CDYL2: variants seen among roughly 807,000 people sequenced by gnomAD.
The protein encoded by CDYL2 is chromodomain Y like 2, also known as chromodomain Y-like protein 2.
Under a neutral mutation model 49.4 loss-of-function variants are expected in CDYL2, and 23 were observed. That is an observed-to-expected ratio of 0.47 (90% CI 0.34 to 0.66). The LOEUF (loss-of-function observed/expected upper bound fraction) is 0.66. Ranked by LOEUF, CDYL2 falls within the 30% of genes least tolerant of loss-of-function variation. The pLI, the probability that CDYL2 is intolerant of heterozygous loss-of-function variation, is 0.01. For synonymous variants in CDYL2, 360 were observed against 268.8 expected (o/e 1.34, Z -3.32); for missense variants, 678 against 656.4 (o/e 1.03, Z -0.36).
intron 6 of CDYL2, among the ~76,000 whole-genome samples, 200 bp downstream of exon 6, chr16:80,607,892 C>T (rs6564771): frequency 6.6e-6 from 1 of 151,990 alleles, no homozygotes; most frequent in African/African-American, 2.4e-5. Context: ...AGATGATGGA[C>T]AATTTGTAAT....
chr16:80,633,374 C>G (rs1451919943), intron 2 of CDYL2, 138 bp from the exon 3 acceptor site: 1 of 803,390 alleles, frequency 1.2e-6, no homozygotes, highest in African/African-American at 1.7e-5. Context: ...GTGCCACCCT[C>G]TGTTCTAGGA....
At chr16:80,766,340 G>A (rs1906724669) in intron 1 of CDYL2, among the ~76,000 whole-genome samples, 1 of 151,996 alleles carries the variant, frequency 6.6e-6, no homozygotes, top group South Asian at 2.1e-4. Flanking sequence ...AAAACCTAGA[G>A]AAAAATTTAA....
Position 80,599,075 on chromosome 16 carries a change from C to T in CDYL2, c.*5313G>A, listed in dbSNP as rs1375648060. On this transcript the variant is annotated 3_prime_UTR_variant, in exon 7 of 7. Coordinates refer to ENST00000570137, the MANE Select transcript of CDYL2 (RefSeq NM_152342.4). ...CAGCTTCAAGAGCTCCAGCATCAGGCTAGATATAAGAGCTCCAGCATCAGG... is the reference window on the plus strand; with the variant it reads ...CAGCTTCAAGAGCTCCAGCATCAGGTTAGATATAAGAGCTCCAGCATCAGG... 6.6e-6 allele frequency: 1 copy of T among 151,626 alleles called. No individual in the cohort carries two copies. Among genetic ancestry groups the T allele is most frequent in the Non-Finnish European group, 1.5e-5 (1 of 68,024 alleles). The allele number at this position is 151,626 out of a possible 1,614,324, so 9.4% of individuals were successfully genotyped here. A position where few individuals can be genotyped will look rare whatever the true frequency, so the allele number is the denominator to read the frequency against.
intron 1 of CDYL2, among the ~76,000 whole-genome samples, chr16:80,763,645 A>T (rs1320773890): frequency 1.3e-5 from 2 of 152,096 alleles, no homozygotes; most frequent in African/African-American, 4.8e-5. Context: ...AACACTTCTC[A>T]TCAGAAAGGG....
intron 1 of CDYL2, among the ~76,000 whole-genome samples, chr16:80,789,515 A>G (rs3114387): frequency 0.3 from 45,546 of 151,744 alleles, 8,122 homozygotes; most frequent in African/African-American, 0.51. Context: ...CAGAAGAATC[A>G]TTTGAACCTG....
intron 2 of CDYL2, among the ~76,000 whole-genome samples, chr16:80,674,634 C>T (rs1478937346): frequency 6.6e-6 from 1 of 152,200 alleles, no homozygotes; most frequent in East Asian, 1.9e-4. Context: ...TCCCCTTAGC[C>T]CCTGGCAACG....
intron 2 of CDYL2, among the ~76,000 whole-genome samples, chr16:80,650,011 C>G (rs919295802): frequency 1.3e-4 from 20 of 152,186 alleles, no homozygotes; most frequent in Middle Eastern, 6.8e-3. Flanking sequence ...AAACTATGAA[C>G]CTACTACAAG....
intron 1 of CDYL2, among the ~76,000 whole-genome samples, chr16:80,728,415 C>T (rs113323637): frequency 5.3e-5 from 8 of 152,208 alleles, no homozygotes; most frequent in East Asian, 3.9e-4. Flanking sequence ...TAAAAAGAAA[C>T]GAACAAAGCC....
chr16:80,702,702 A>G (rs1467638043), intron 1 of CDYL2, among the ~76,000 whole-genome samples: 1 of 152,202 alleles, frequency 6.6e-6, no homozygotes, highest in Non-Finnish European at 1.5e-5. Context: ...GTGGGCTATG[A>G]TCGTACCACT....
At chr16:80,741,227 T>G (rs1905724881) in intron 1 of CDYL2, among the ~76,000 whole-genome samples, 1 of 151,060 alleles carries the variant, frequency 6.6e-6, no homozygotes, top group Non-Finnish European at 1.5e-5. Flanking sequence ...AAAATGGTAT[T>G]TTAGATTCTA....
intron 1 of CDYL2, among the ~76,000 whole-genome samples, chr16:80,790,356 G>C (rs1307789729): frequency 1.3e-5 from 2 of 152,216 alleles, no homozygotes; most frequent in East Asian, 3.9e-4. Flanking sequence ...GATAATCAAG[G>C]TGCAAAAACA....
chr16:80,715,083 G>T (rs753651737), intron 1 of CDYL2, among the ~76,000 whole-genome samples: 1 of 152,066 alleles, frequency 6.6e-6, no homozygotes, highest in African/African-American at 2.4e-5. Flanking sequence ...TCATCTGGAG[G>T]AGCAACTGGA....
chr16:80,715,102 CAA>C (rs1303887840), intron 1 of CDYL2, among the ~76,000 whole-genome samples: 83 of 152,180 alleles, frequency 5.5e-4, no homozygotes, highest in African/African-American at 1.8e-3. Context: ...GAGATGAGAT[CAA>C]AGTAAGTGTA....
intron 2 of CDYL2, among the ~76,000 whole-genome samples, chr16:80,670,367 T>G (rs759669618): frequency 9.2e-5 from 14 of 152,128 alleles, no homozygotes; most frequent in Admixed American, 1.3e-4. Flanking sequence ...ATAAGGGGCT[T>G]TCCCCCGGTT....
chr16:80,661,850 A>T (rs1267042009), intron 2 of CDYL2, among the ~76,000 whole-genome samples: 1 of 152,160 alleles, frequency 6.6e-6, no homozygotes, highest in Non-Finnish European at 1.5e-5. Context: ...CTTGAGGGAT[A>T]AGCCTGAGAT....
intron 1 of CDYL2, among the ~76,000 whole-genome samples, chr16:80,743,282 T>C (rs958205233): frequency 3.9e-5 from 6 of 152,220 alleles, no homozygotes; most frequent in Admixed American, 2.0e-4. Flanking sequence ...AGCGCAGACA[T>C]TGTGAGGGAG....
intron 1 of CDYL2, among the ~76,000 whole-genome samples, chr16:80,759,120 A>ATATATATGGTT (rs1555535893): frequency 8.1e-6 from 1 of 122,700 alleles, no homozygotes; most frequent in African/African-American, 3.5e-5. Context: ...ATATATATAT[A>ATATATATGGTT]TATATATATA....
chr16:80,667,021 T>C (rs757356753), intron 2 of CDYL2, among the ~76,000 whole-genome samples: 1 of 152,174 alleles, frequency 6.6e-6, no homozygotes, highest in Non-Finnish European at 1.5e-5. Flanking sequence ...CCGAGGTCAG[T>C]GCTGTCAACC....
At position 80,804,416 on chromosome 16, in the gene CDYL2, C is replaced by T. The variant is rs1908035408; in HGVS notation, c.-243G>A. On this transcript the variant is annotated 5_prime_UTR_variant, in exon 1 of 7. Coordinates refer to ENST00000570137, the MANE Select transcript of CDYL2 (RefSeq NM_152342.4). ...GCAGCGGCGGCGGCGGCGGCGGCGG[C>T]ACGAGCGCGGGCAGCAGCGACGGCC... 1 of 159,022 alleles carries T rather than the reference C, an allele frequency of 6.3e-6. No individual in the cohort carries two copies. Among genetic ancestry groups the T allele is most frequent in the Non-Finnish European group, 1.3e-5 (1 of 76,416 alleles). The allele number at this position is 159,022 out of a possible 1,614,324, so 9.9% of individuals were successfully genotyped here.
Sources: gnomAD v4.1 joint callset for allele counts (sites outside exome capture counted in the v4.1 genomes callset) on GRCh38, gnomAD v4.1.1 for gene constraint, MANE v1.5 for transcripts, NCBI Gene and HGNC (gene_info 2026-07-23, HGNC 2026-07-21) for gene names.